The following FAM149A variants were observed in gnomAD, a reference collection of about 807,000 sequenced individuals.
FAM149A encodes protein FAM149A.
Under a neutral mutation model 78.2 loss-of-function variants are expected in FAM149A, and 71 were observed. The ratio of observed to expected loss-of-function variants is 0.91; its 90% CI spans 0.75 to 1.11. FAM149A has a LOEUF of 1.11. FAM149A is among the 50% of genes least tolerant of loss of function. The pLI is 0.00. For synonymous variants in FAM149A, 446 were observed against 410.5 expected, an observed-to-expected ratio of 1.09 and a Z score of -1.04; for missense variants, 1,036 against 971.0, an observed-to-expected ratio of 1.07 and a Z score of -0.89.
intron 1 of FAM149A, among the ~76,000 whole-genome samples, chr4:186,141,956 C>T (rs184253450): frequency 3.2e-4 from 48 of 152,278 alleles, no homozygotes; most frequent in African/African-American, 1.1e-3. Flanking sequence ...GTGATGGAAG[C>T]GCCACTGGCT....
chr4:186,114,005 C>A (rs1175524182), intron 1 of FAM149A, among the ~76,000 whole-genome samples: 6 of 146,210 alleles, frequency 4.1e-5, no homozygotes, highest in Non-Finnish European at 4.5e-5. Flanking sequence ...GTTAAAGTCT[C>A]CCATTATTAT....
At chr4:186,145,183 C>T (rs1732932959) in intron 1 of FAM149A, 9 of 978,736 alleles carry the variant, frequency 9.2e-6, no homozygotes, top group African/African-American at 1.8e-5. Flanking sequence ...GTTCTCCGCC[C>T]GCGGGCCGGC....
At chr4:186,166,900 C>T (rs1216219204) in intron 11 of FAM149A, 68 bp from the exon 12 acceptor site, 16 of 1,503,200 alleles carry the variant, frequency 1.1e-5, no homozygotes, top group Middle Eastern at 1.7e-4. Flanking sequence ...TTGAGCATGT[C>T]GAGATTTTCT....
Position 186,164,672 on chromosome 4 carries a change from G to A in FAM149A, c.1890-672G>A, listed in dbSNP as rs1352384861. ...ACACGGTGCCAGTCAGCAACACATG[G>A]CAGGCTTTCTCCTCCTGCCCCAGCC... On this transcript the variant is annotated intron_variant, in intron 10 of 13. Transcript: ENST00000389354. This position sits in a 1 kb window ranked among gnomAD's most constrained non-coding sequence, Gnocchi z 4.0. Among the ~76,000 whole-genome samples, 1 of 151,998 alleles carries A rather than the reference G, an allele frequency of 6.6e-6. No individual in the cohort carries two copies. Among genetic ancestry groups the A allele is most frequent in the African/African-American group, 2.4e-5 (1 of 41,378 alleles).
intron 1 of FAM149A, chr4:186,116,778 G>GT: frequency 4.1e-6 from 4 of 981,574 alleles, no homozygotes; most frequent in Non-Finnish European, 4.8e-6. Flanking sequence ...GCAGTTATAT[G>GT]TTTTTTTGCT....
In FAM149A at chr4:186,105,060, G is replaced by A. The variant is rs1455550313; in HGVS notation, c.-17G>A. 1 of 1,267,126 alleles carries A rather than the reference G, an allele frequency of 7.9e-7. No individual in the cohort carries two copies. Among genetic ancestry groups the A allele is most frequent in the African/African-American group, 1.6e-5 (1 of 62,528 alleles). 78.5% of individuals were successfully genotyped at this position (1,267,126 alleles called of 1,614,324 possible). On this transcript the variant is annotated 5_prime_UTR_variant, in exon 1 of 14. In the 5' UTR this introduces an upstream ATG that the reference lacks. Transcript: ENST00000389354. ...ACTCTCGGGCGGCGGCGAGGACGGC[G>A]TGTCCACTGTCGAGGCATGAAGGCT...
intron 1 of FAM149A, chr4:186,126,087 C>T: frequency 1.0e-6 from 1 of 985,312 alleles, no homozygotes; most frequent in Non-Finnish European, 1.2e-6. Flanking sequence ...CGCTTGTTTC[C>T]AATATTTGAA....
chr4:186,153,631 CTTT>C lies in FAM149A; in HGVS notation c.933-13_933-11del, dbSNP rs764693855. 1.2e-6 allele frequency: 2 copies of C among 1,603,970 alleles called. No homozygotes were observed. Among genetic ancestry groups the C allele is most frequent in the South Asian group, 2.2e-5 (2 of 90,690 alleles). On this transcript the variant is annotated splice_polypyrimidine_tract_variant and intron_variant, in intron 4 of 13. Transcript: ENST00000389354. Reference sequence around the variant, plus strand: ...CTGATCAAAAATGTCAGTAGCTTCTCTTTGACCTCGCAGAGTATTAGGAAGACA... The same window carrying C: ...CTGATCAAAAATGTCAGTAGCTTCTCGACCTCGCAGAGTATTAGGAAGACA...
chr4:186,130,314 T>TATATATAAATATATAA (rs141900902), intron 1 of FAM149A, among the ~76,000 whole-genome samples: 1 of 116,456 alleles, frequency 8.6e-6, no homozygotes, highest in African/African-American at 3.5e-5. Context: ...TATATATATA[T>TATATATAAATATATAA]AATCTATATC....
Position 186,119,282 on chromosome 4 carries a change from G to A in FAM149A, c.566+13640G>A, listed in dbSNP as rs562401819. Among the ~76,000 whole-genome samples the A allele has an allele frequency of 7.8e-4, 119 of 152,244 alleles. 1 individual carries two copies. The highest frequency in any genetic ancestry group is 2.3e-3 in the African/African-American group (96 of 41,540). ...CCATGTACTACGTAGTACTCGTCAA[G>A]CAAATGGATAAATACTATTTATTAT... is the stretch of plus-strand genomic sequence containing the variant. On this transcript the variant is annotated intron_variant, in intron 1 of 13. Transcript: ENST00000389354.
intron 1 of FAM149A, among the ~76,000 whole-genome samples, chr4:186,142,040 C>T (rs952066958): frequency 3.9e-5 from 6 of 152,162 alleles, no homozygotes; most frequent in African/African-American, 1.4e-4. Context: ...TGAGAGGCTA[C>T]TTAGTTGCAA....
chr4:186,127,067 G>A (rs2099318635), intron 1 of FAM149A: 2 of 985,272 alleles, frequency 2.0e-6, no homozygotes, highest in Admixed American at 1.2e-4. Context: ...TTCACAGGCA[G>A]AAGTAGTGTC....
chr4:186,122,084 TTATATTA>T (rs780935644), intron 1 of FAM149A, among the ~76,000 whole-genome samples: 2 of 152,164 alleles, frequency 1.3e-5, no homozygotes, highest in Non-Finnish European at 2.9e-5. Context: ...AATTATGTCT[TTATATTA>T]AGTGAGAAAA....
At chr4:186,165,554 T>A in intron 11 of FAM149A, 90 bp downstream of exon 11, 1 of 1,348,210 alleles carries the variant, frequency 7.4e-7, no homozygotes. Context: ...CAAGTGAAAT[T>A]AGTAACATGA....
At chr4:186,139,391 G>A (rs1231790650) in intron 1 of FAM149A, among the ~76,000 whole-genome samples, 1 of 152,172 alleles carries the variant, frequency 6.6e-6, no homozygotes, top group Non-Finnish European at 1.5e-5. Flanking sequence ...TGGTACTAAA[G>A]GTGGGGCCTT....
intron 1 of FAM149A, chr4:186,125,869 G>A (rs1231302143): frequency 1.0e-6 from 1 of 985,276 alleles, no homozygotes; most frequent in African/African-American, 1.7e-5. Flanking sequence ...CAACGTAGAG[G>A]AGTGGAATCA....
chr4:186,152,141 C>T, intron 4 of FAM149A, 96 bp downstream of exon 4: 1 of 1,206,824 alleles, frequency 8.3e-7, no homozygotes. Context: ...TGTGAAAGTG[C>T]CTGCCCAGTC....
intron 11 of FAM149A, among the ~76,000 whole-genome samples, chr4:186,166,227 G>A (rs1336833648): frequency 1.3e-5 from 2 of 150,030 alleles, no homozygotes; most frequent in Non-Finnish European, 3.0e-5. Flanking sequence ...AAGACATAGT[G>A]AGAGAAAAAC....
At chr4:186,149,803 G>A (rs1333782402) in intron 3 of FAM149A, 99 bp downstream of exon 3, 1 of 825,982 alleles carries the variant, frequency 1.2e-6, no homozygotes, top group Non-Finnish European at 1.6e-6. Context: ...ATAAAAGCAT[G>A]ACCTATTGCA....
Sources: allele counts gnomAD v4.1 joint callset (sites outside exome capture counted in the v4.1 genomes callset), GRCh38; gene constraint gnomAD v4.1.1; non-coding constraint Gnocchi (gnomAD v3.1); transcripts MANE v1.5; gene names NCBI Gene and HGNC (gene_info 2026-07-23, HGNC 2026-07-21).